NTNG1: variants seen among roughly 807,000 people sequenced by gnomAD.
The protein encoded by NTNG1 is netrin-G1.
NTNG1 carries 16 observed loss-of-function variants against 54.0 expected under a neutral mutation model. The ratio of observed to expected loss-of-function variants is 0.30; its 90% confidence interval spans 0.20 to 0.45. NTNG1 has a LOEUF of 0.45. Ranked by LOEUF, NTNG1 falls within the 20% of genes least tolerant of loss-of-function variation. NTNG1 has a pLI of 1.00. For missense variants in NTNG1, 530 were observed against 678.7 expected, an observed-to-expected ratio of 0.78 and a Z score of 2.43; for synonymous variants, 255 against 263.1, an observed-to-expected ratio of 0.97 and a Z score of 0.30.
chr1:107,279,455 G>A (rs370689331), intron 2 of NTNG1, among the ~76,000 whole-genome samples: 82 of 152,282 alleles, frequency 5.4e-4, no homozygotes, highest in African/African-American at 1.9e-3. Context: ...AATCAAGGCA[G>A]AAGTCATTTT....
chr1:107,309,223 T>C (rs760930138), intron 2 of NTNG1, among the ~76,000 whole-genome samples: 1 of 152,180 alleles, frequency 6.6e-6, no homozygotes, highest in Non-Finnish European at 1.5e-5. Flanking sequence ...TCAGTGGAAA[T>C]AGAGTCACCA....
chr1:107,335,943 T>C (rs1668548202), intron 3 of NTNG1, among the ~76,000 whole-genome samples: 1 of 151,770 alleles, frequency 6.6e-6, no homozygotes, highest in Non-Finnish European at 1.5e-5. Flanking sequence ...AAGACACAAA[T>C]AAATGGGAAG....
intron 2 of NTNG1, among the ~76,000 whole-genome samples, chr1:107,204,378 C>T (rs923376453): frequency 1.3e-5 from 2 of 152,096 alleles, no homozygotes; most frequent in Non-Finnish European, 2.9e-5. Context: ...CTGGATACTT[C>T]TTATCTCTTG....
At chr1:107,248,990 A>C (rs1662383485) in intron 2 of NTNG1, among the ~76,000 whole-genome samples, 1 of 148,778 alleles carries the variant, frequency 6.7e-6, no homozygotes, top group African/African-American at 2.5e-5. Flanking sequence ...CTCTACTAAA[A>C]GTACAAAAAA....
At chr1:107,170,263 A>G (rs531823172) in intron 2 of NTNG1, among the ~76,000 whole-genome samples, 44 of 152,302 alleles carry the variant, frequency 2.9e-4, no homozygotes, top group African/African-American at 1.0e-3. Flanking sequence ...CTTAGACCTA[A>G]AGGAAGTAAA....
At chr1:107,300,569 G>A (rs1035990919) in intron 2 of NTNG1, among the ~76,000 whole-genome samples, 3 of 152,036 alleles carry the variant, frequency 2.0e-5, no homozygotes, top group Non-Finnish European at 2.9e-5. Flanking sequence ...AAAACAATAC[G>A]CTTTGACAGT....
At chr1:107,331,785 A>G (rs1032104056) in intron 3 of NTNG1, among the ~76,000 whole-genome samples, 2 of 152,090 alleles carry the variant, frequency 1.3e-5, no homozygotes, top group Admixed American at 1.3e-4. Context: ...CTCTTCTGAA[A>G]CTATTTTGAA....
In NTNG1 at chr1:107,428,781, A is replaced by G. The variant is rs138461793; in HGVS notation, c.1088-1969A>G. ...CTAGAAGCTTTTCTGACTCCCTCAG[A>G]AGTCAGTAATGCCAGTATAAACAAG... On this transcript the variant is annotated intron_variant, in intron 5 of 7. Coordinates refer to ENST00000370068, the MANE Select transcript of NTNG1 (RefSeq NM_001113226.3). Among the ~76,000 whole-genome samples, 883 of 152,262 alleles carry G rather than the reference A, an allele frequency of 5.8e-3. 13 individuals carry two copies. Among genetic ancestry groups the G allele is most frequent in the African/African-American group, 0.02 (844 of 41,556 alleles).
At chr1:107,453,415 T>C (rs1231974982) in intron 7 of NTNG1, among the ~76,000 whole-genome samples, 1 of 152,220 alleles carries the variant, frequency 6.6e-6, no homozygotes, top group African/African-American at 2.4e-5. Flanking sequence ...GCATTTCATT[T>C]TAAGAGAAGA....
chr1:107,443,852 G>A (rs1440140202), intron 7 of NTNG1, among the ~76,000 whole-genome samples: 1 of 152,080 alleles, frequency 6.6e-6, no homozygotes, highest in Non-Finnish European at 1.5e-5. Context: ...CTTGAACACA[G>A]CATCATTTCC....
At chr1:107,212,126 A>C (rs1659636200) in intron 2 of NTNG1, among the ~76,000 whole-genome samples, 1 of 152,184 alleles carries the variant, frequency 6.6e-6, no homozygotes, top group Non-Finnish European at 1.5e-5. Context: ...GAGAACTAGA[A>C]GGTGTAGGGG....
chr1:107,270,183 G>A (rs1156802867), intron 2 of NTNG1, among the ~76,000 whole-genome samples: 1 of 152,168 alleles, frequency 6.6e-6, no homozygotes, highest in Non-Finnish European at 1.5e-5. Flanking sequence ...TTAATGTGCT[G>A]TATATTCTTT....
intron 7 of NTNG1, among the ~76,000 whole-genome samples, chr1:107,477,751 A>G (rs685496): frequency 0.92 from 139,727 of 152,056 alleles, 64,456 homozygotes; most frequent in East Asian, 1. Flanking sequence ...ATATCATAAT[A>G]TGTGTTTGTG....
chr1:107,236,411 G>A (rs544520986), intron 2 of NTNG1, among the ~76,000 whole-genome samples: 1 of 152,172 alleles, frequency 6.6e-6, no homozygotes, highest in Non-Finnish European at 1.5e-5. Flanking sequence ...GTTATTAAAG[G>A]TATGGGCAGA....
chr1:107,307,637 AG>A, intron 2 of NTNG1, among the ~76,000 whole-genome samples: 1 of 152,384 alleles, frequency 6.6e-6, no homozygotes, highest in Non-Finnish European at 1.5e-5. Flanking sequence ...ATTTCCCAAT[AG>A]AAAAATTATT....
intron 7 of NTNG1, among the ~76,000 whole-genome samples, chr1:107,464,833 T>C (rs1677500656): frequency 6.6e-6 from 1 of 152,120 alleles, no homozygotes; most frequent in Admixed American, 6.5e-5. Context: ...AAGATACAGT[T>C]TTAGTTTAAT....
chr1:107,332,661 G>T (rs1313198007), intron 3 of NTNG1, among the ~76,000 whole-genome samples: 1 of 152,038 alleles, frequency 6.6e-6, no homozygotes, highest in African/African-American at 2.4e-5. Context: ...GTGATCAATG[G>T]TTCAGTAAAG....
intron 2 of NTNG1, among the ~76,000 whole-genome samples, chr1:107,214,904 AT>A (rs1036104912): frequency 2.7e-5 from 4 of 148,246 alleles, no homozygotes; most frequent in Admixed American, 1.3e-4. Flanking sequence ...ATTGTTTCAT[AT>A]TTTTTTTGGC....
chr1:107,384,697 A>G (rs530616846), intron 3 of NTNG1, among the ~76,000 whole-genome samples: 56 of 152,328 alleles, frequency 3.7e-4, no homozygotes, highest in African/African-American at 1.3e-3. Context: ...CAAGAACTCT[A>G]TGGAAACCTG....
Sources: allele counts gnomAD v4.1 joint callset (sites outside exome capture counted in the v4.1 genomes callset), GRCh38; gene constraint gnomAD v4.1.1; transcripts MANE v1.5; gene names NCBI Gene and HGNC (gene_info 2026-07-23, HGNC 2026-07-21).